MAP1LC3B2: variants seen among roughly 807,000 people sequenced by gnomAD.
MAP1LC3B2 encodes the protein microtubule associated protein 1 light chain 3 beta 2, also known as microtubule-associated protein 1 light chain 3 beta 2.
For missense variants in MAP1LC3B2, 155 were observed against 154.6 expected (o/e 1.00, Z -0.01); for synonymous variants, 62 against 57.8 (o/e 1.07, Z -0.33).
intron 1 of MAP1LC3B2, among the ~76,000 whole-genome samples, chr12:116,575,009 G>A (rs904793239): frequency 3.3e-5 from 5 of 151,844 alleles, no homozygotes; most frequent in Admixed American, 6.5e-5. Flanking sequence ...GAGAAACCCC[G>A]TCTCTACTAA....
chr12:116,572,075 TAA>T (rs1231481764), intron 1 of MAP1LC3B2, among the ~76,000 whole-genome samples: 5 of 151,122 alleles, frequency 3.3e-5, no homozygotes, highest in Admixed American at 6.6e-5. Flanking sequence ...GCTAAGAAAA[TAA>T]AAAAGAGTCC....
chr12:116,575,926 G>T lies in MAP1LC3B2; in HGVS notation c.-17G>T. On this transcript the variant is annotated 5_prime_UTR_variant, in exon 2 of 2. Transcript: ENST00000556529. The stretch of plus-strand genomic sequence containing the variant: ...GGACCCTCGCGTCGTCGCCGCCGCG[G>T]CCCAGATCCCCACACCATGCCGTCG... 6.2e-7 allele frequency: 1 copy of T among 1,613,996 alleles called. No homozygotes were observed. The highest frequency in any genetic ancestry group is 1.3e-5 in the African/African-American group (1 of 75,008).
intron 1 of MAP1LC3B2, among the ~76,000 whole-genome samples, chr12:116,570,665 C>T (rs756774905): frequency 9.9e-5 from 15 of 152,182 alleles, no homozygotes; most frequent in Non-Finnish European, 2.1e-4. Context: ...TAAGATGTGC[C>T]TTTTGCCTTC....
At chr12:116,563,955 G>T (rs896199634) in intron 1 of MAP1LC3B2, among the ~76,000 whole-genome samples, 3 of 151,876 alleles carry the variant, frequency 2.0e-5, no homozygotes, top group African/African-American at 7.3e-5. Flanking sequence ...GTGTTGCCCA[G>T]GCTGGCCCCA....
At chr12:116,575,256 G>A (rs533447793) in intron 1 of MAP1LC3B2, among the ~76,000 whole-genome samples, 3 of 151,738 alleles carry the variant, frequency 2.0e-5, no homozygotes, top group East Asian at 3.9e-4. Context: ...GTCAAACTCT[G>A]AAAGGGAGTT....
chr12:116,572,864 T>C (rs1330536828), intron 1 of MAP1LC3B2, among the ~76,000 whole-genome samples: 1 of 152,218 alleles, frequency 6.6e-6, no homozygotes, highest in East Asian at 1.9e-4. Flanking sequence ...TAGGGAGGGA[T>C]GGAGAGGCCC....
intron 1 of MAP1LC3B2, among the ~76,000 whole-genome samples, chr12:116,566,616 T>TA (rs58530141): frequency 0.11 from 9,627 of 91,338 alleles, 960 homozygotes; most frequent in East Asian, 0.26. Flanking sequence ...AGTCAGTGAT[T>TA]AAAAAAAAAA....
chr12:116,560,044 C>G (rs1869209731), intron 1 of MAP1LC3B2: 1 of 148,530 alleles, frequency 6.7e-6, no homozygotes, highest in Admixed American at 6.7e-5. Context: ...AAGAGAAATA[C>G]AAAACAATAG....
rs1566025656 is a variant in MAP1LC3B2, at chr12:116,575,885, C to G, written c.-58C>G. The G allele has an allele frequency of 1.2e-6, 2 of 1,607,198 alleles. No individual in the cohort carries two copies. The highest frequency in any genetic ancestry group is 1.7e-6 in the Non-Finnish European group (2 of 1,175,278). On this transcript the variant is annotated 5_prime_UTR_variant, in exon 2 of 2. Coordinates refer to ENST00000556529, the MANE Select transcript of MAP1LC3B2 (RefSeq NM_001085481.3). Reference sequence around the variant, plus strand: ...GGATTCGCTGCCGCAGCAGCCGCCACCCCCAGGAGCCGCCGGGACCCTCGC... The same window carrying G: ...GGATTCGCTGCCGCAGCAGCCGCCAGCCCCAGGAGCCGCCGGGACCCTCGC...
intron 1 of MAP1LC3B2, chr12:116,560,226 A>ATATATATATATGTATGTATATG (rs1869231287): frequency 2.0e-5 from 2 of 101,100 alleles, no homozygotes; most frequent in African/African-American, 8.0e-5. Context: ...ATATATATAT[A>ATATATATATATGTATGTATATG]TATATATATA....
At chr12:116,574,528 C>T (rs1377763601) in intron 1 of MAP1LC3B2, among the ~76,000 whole-genome samples, 1 of 151,704 alleles carries the variant, frequency 6.6e-6, no homozygotes, top group African/African-American at 2.4e-5. Context: ...CCCCTGTGGC[C>T]CCAGCTATTT....
intron 1 of MAP1LC3B2, among the ~76,000 whole-genome samples, chr12:116,567,203 T>C (rs866515783): frequency 6.6e-6 from 1 of 152,032 alleles, no homozygotes; most frequent in Non-Finnish European, 1.5e-5. Context: ...ATTGAAATTA[T>C]AGGCAAGTAA....
At chr12:116,570,826 T>A (rs1869510023) in intron 1 of MAP1LC3B2, among the ~76,000 whole-genome samples, 1 of 152,168 alleles carries the variant, frequency 6.6e-6, no homozygotes, top group Admixed American at 6.5e-5. Context: ...TTAAATGCAT[T>A]TTCAACGTAT....
chr12:116,560,469 A>G (rs1269781687), intron 1 of MAP1LC3B2, among the ~76,000 whole-genome samples: 1 of 151,438 alleles, frequency 6.6e-6, no homozygotes, highest in Non-Finnish European at 1.5e-5. Flanking sequence ...CTGGTCTCGA[A>G]CTCCTGACCT....
In MAP1LC3B2 at chr12:116,576,015, G is replaced by A. The variant is rs368959832; in HGVS notation, c.73G>A (p.Glu25Lys). ...AGTAGAAGATGTCCGACTTATTCGA[G>A]AGCAGCATCCAACCAAAATCCCGGT... Reference protein sequence around the residue: ...QRVEDVRLIREQHPTKIPVII... With the variant: ...QRVEDVRLIRKQHPTKIPVII... The change falls in exon 2 of 2, where the codon GAG becomes AAG. Residue 25 changes from glutamate (E) to lysine (K), a missense_variant. Transcript: ENST00000556529. The A allele has an allele frequency of 6.2e-7, 1 of 1,614,210 alleles. No homozygotes were observed. Among genetic ancestry groups the A allele is most frequent in the Admixed American group, 1.7e-5 (1 of 60,028 alleles).
chr12:116,570,318 C>T (rs550395124), intron 1 of MAP1LC3B2, among the ~76,000 whole-genome samples: 1 of 152,286 alleles, frequency 6.6e-6, no homozygotes, highest in Admixed American at 6.5e-5. Flanking sequence ...GCTGTTAGTA[C>T]AGCATTCAAT....
rs747070547 is a variant in MAP1LC3B2, at chr12:116,576,244, G to A, written c.302G>A (p.Ser101Asn). 6.2e-7 allele frequency: 1 copy of A among 1,614,054 alleles called. No homozygotes were observed. The highest frequency in any genetic ancestry group is 8.5e-7 in the Non-Finnish European group (1 of 1,180,018). The change falls in exon 2 of 2, where the codon AGT (serine) becomes AAT (asparagine). Residue 101 changes from serine to asparagine, a missense_variant. Coordinates refer to ENST00000556529, the MANE Select transcript of MAP1LC3B2 (RefSeq NM_001085481.3). ...ACACCAATCTCAGAGGTGTATGAGA[G>A]TGAGAAAGATGAAGATGGATTCCTG... ...VSTPISEVYE[S>N]EKDEDGFLYM... is the part of the protein sequence containing the mutation.
Position 116,576,128 on chromosome 12 carries a change from G to T in MAP1LC3B2, c.186G>T (p.Glu62Asp). Residue 62 changes from glutamate (E) to aspartate (D), a missense_variant, in exon 2 of 2, where the codon GAG becomes GAT. Transcript: ENST00000556529. ...TACCTGACCATGTCAACATGAGTGA[G>T]CTCATCAAGATAATTAGAAGGCGCT... is the stretch of plus-strand genomic sequence containing the variant. ...FLVPDHVNMS[E>D]LIKIIRRRLQ... is the part of the protein sequence containing the mutation. 1 of 1,614,192 alleles carries T rather than the reference G, an allele frequency of 6.2e-7. No individual in the cohort carries two copies. Among genetic ancestry groups the T allele is most frequent in the South Asian group, 1.1e-5 (1 of 91,084 alleles).
chr12:116,574,482 A>C (rs1031508406), intron 1 of MAP1LC3B2, among the ~76,000 whole-genome samples: 2 of 150,758 alleles, frequency 1.3e-5, no homozygotes, highest in African/African-American at 5.0e-5. Context: ...TTCTACAAAA[A>C]ATAAAAAATA....
Sources: gnomAD v4.1 joint callset for allele counts (sites outside exome capture counted in the v4.1 genomes callset) on GRCh38, gnomAD v4.1.1 for gene constraint, MANE v1.5 for transcripts, NCBI Gene and HGNC (gene_info 2026-07-23, HGNC 2026-07-21) for gene names.